CIITA: variants seen among roughly 807,000 people sequenced by gnomAD.
The protein encoded by CIITA is MHC class II transactivator.
In CIITA, 72 loss-of-function variants were observed where a neutral mutation model predicts 115.1. That is an observed-to-expected ratio of 0.63 (90% CI 0.52 to 0.76). CIITA has a LOEUF of 0.76. Ranked by LOEUF, CIITA falls within the 30% of genes least tolerant of loss-of-function variation. CIITA has a pLI of 0.00. For missense variants in CIITA, 1,617 were observed against 1,463.8 expected, an observed-to-expected ratio of 1.10 and a Z score of -1.71; for synonymous variants, 763 against 635.6, an observed-to-expected ratio of 1.20 and a Z score of -3.02.
intron 2 of CIITA, 54 bp from the exon 3 acceptor site, chr16:10,895,615 A>C: frequency 6.2e-7 from 1 of 1,607,454 alleles, no homozygotes; most frequent in South Asian, 1.1e-5. Context: ...CTCGTTCCCC[A>C]CCAGCCCTCT....
chr16:10,921,176 G>A (rs941451674), intron 16 of CIITA, among the ~76,000 whole-genome samples: 1 of 152,234 alleles, frequency 6.6e-6, no homozygotes, highest in Admixed American at 6.5e-5. Context: ...GCTTTTATAT[G>A]CAGCCCTGCA....
upstream of CIITA, among the ~76,000 whole-genome samples, chr16:10,875,842 T>A (rs1596406516): frequency 6.6e-6 from 1 of 152,080 alleles, no homozygotes; most frequent in East Asian, 1.9e-4. Flanking sequence ...GGCTAATTTT[T>A]AAAAAATCAT....
intron 5 of CIITA, among the ~76,000 whole-genome samples, chr16:10,899,897 T>C (rs983081553): frequency 7.2e-5 from 11 of 152,146 alleles, no homozygotes; most frequent in Admixed American, 5.2e-4. Flanking sequence ...CTGGCCAACA[T>C]GGTGAAACCG....
At chr16:10,900,706 C>G (rs971487924) in intron 5 of CIITA, among the ~76,000 whole-genome samples, 4 of 151,396 alleles carry the variant, frequency 2.6e-5, no homozygotes, top group Non-Finnish European at 5.9e-5. Flanking sequence ...CGCCAGTGCA[C>G]TCCAGCCTGG....
intron 1 of CIITA, among the ~76,000 whole-genome samples, chr16:10,885,353 C>T (rs1387349122): frequency 6.6e-6 from 1 of 152,160 alleles, no homozygotes; most frequent in East Asian, 1.9e-4. Context: ...CACACACATG[C>T]ATGCAGGCAC....
chr16:10,882,220 A>T (rs2036500675), intron 1 of CIITA, among the ~76,000 whole-genome samples: 1 of 152,208 alleles, frequency 6.6e-6, no homozygotes, highest in East Asian at 1.9e-4. Flanking sequence ...AAGTTAATTT[A>T]AGAAAAATAC....
intron 1 of CIITA, among the ~76,000 whole-genome samples, chr16:10,892,303 G>A (rs529232002): frequency 1.3e-4 from 19 of 151,468 alleles, no homozygotes; most frequent in African/African-American, 3.2e-4. Flanking sequence ...CAGCCTGGGC[G>A]ACAGAGTGAG....
upstream of CIITA, chr16:10,866,223 C>A (rs553834211): frequency 6.6e-6 from 3 of 457,864 alleles, no homozygotes; most frequent in Non-Finnish European, 1.3e-5. Context: ...GTTTTGGATG[C>A]TGCATGCTGG....
chr16:10,901,564 C>G lies in CIITA; in HGVS notation c.481+6C>G. On this transcript the variant is annotated splice_donor_region_variant and intron_variant, in intron 6 of 19. Coordinates refer to ENST00000324288, the MANE Select transcript of CIITA (RefSeq NM_000246.4). This position sits in a 1 kb window ranked among gnomAD's most constrained non-coding sequence, Gnocchi z 6.8. ...CCTGAAGCACTGGAAGCCAGGTGTG[C>G]AGGGCAGGTGGGCTGGGGTTGGGAA... is the stretch of plus-strand genomic sequence containing the variant. 1 of 1,613,702 alleles carries G rather than the reference C, an allele frequency of 6.2e-7. No individual in the cohort carries two copies. Among genetic ancestry groups the G allele is most frequent in the Non-Finnish European group, 8.5e-7 (1 of 1,179,880 alleles).
intron 11 of CIITA, chr16:10,908,361 C>T (rs1261142741): frequency 1.4e-6 from 1 of 701,770 alleles, no homozygotes; most frequent in Non-Finnish European, 2.6e-6. Flanking sequence ...GGCATTCTCC[C>T]AGTCAATATT....
rs1047509181 is a variant in CIITA, at chr16:10,928,089, A to T, written c.*4234A>T. ...TCGTAGCTTTTCTTTCTTTAGCATC[A>T]CTTGAGGGCAAGTGGTGCTCCAACT... On this transcript the variant is annotated 3_prime_UTR_variant, in exon 20 of 20. Transcript: ENST00000324288. 3 of 151,922 alleles carry T rather than the reference A, an allele frequency of 2.0e-5. No individual in the cohort carries two copies. The highest frequency in any genetic ancestry group is 4.4e-5 in the Non-Finnish European group (3 of 68,006). 9.4% of individuals were successfully genotyped at this position (151,922 alleles called of 1,614,324 possible).
intron 3 of CIITA, 29 bp downstream of exon 3, chr16:10,895,793 A>G: frequency 6.2e-7 from 1 of 1,608,252 alleles, no homozygotes; most frequent in Non-Finnish European, 8.5e-7. Flanking sequence ...CCAGAAAAGG[A>G]CAATCAAGGG....
At chr16:10,903,048 C>T (rs1465306665) in intron 8 of CIITA, among the ~76,000 whole-genome samples, 1 of 152,228 alleles carries the variant, frequency 6.6e-6, no homozygotes, top group Non-Finnish European at 1.5e-5. Flanking sequence ...CTTTCCCCTT[C>T]TGACCCTTAG....
upstream of CIITA, among the ~76,000 whole-genome samples, chr16:10,872,994 A>C (rs2035587472): frequency 6.6e-6 from 1 of 152,144 alleles, no homozygotes; most frequent in African/African-American, 2.4e-5. Flanking sequence ...ATTTTTTGAG[A>C]CAGGGTCTTG....
At position 10,941,482 on chromosome 16, in the gene CIITA, G is replaced by A; in HGVS notation, n.608G>A. The A allele has an allele frequency of 7.8e-7, 1 of 1,281,846 alleles. No homozygotes were observed. Among genetic ancestry groups the A allele is most frequent in the Non-Finnish European group, 1.0e-6 (1 of 989,960 alleles). The allele number at this position is 1,281,846 out of a possible 1,614,324, so 79.4% of individuals were successfully genotyped here. A position where few individuals can be genotyped will look rare whatever the true frequency, so the allele number is the denominator to read the frequency against. Reference sequence around the variant, plus strand: ...AGGTGAACGGAGGAGAAGCCTGAGGGAGGGGTGTGTATCCGGCCTGGGAAT... The same window carrying A: ...AGGTGAACGGAGGAGAAGCCTGAGGAAGGGGTGTGTATCCGGCCTGGGAAT... On this transcript the variant is annotated non_coding_transcript_exon_variant, in exon 2 of 2. Coordinates refer to the CIITA transcript ENST00000573379. The surrounding 1 kb of genome is among the most constrained non-coding windows in gnomAD (Gnocchi z 6.4).
At chr16:10,913,227 C>T (rs536712292) in intron 13 of CIITA, among the ~76,000 whole-genome samples, 1 of 152,166 alleles carries the variant, frequency 6.6e-6, no homozygotes, top group African/African-American at 2.4e-5. Flanking sequence ...CTCAGTGAGG[C>T]CTTTTCTTTT....
At chr16:10,922,586 C>A in intron 18 of CIITA, 96 bp downstream of exon 18, 1 of 1,243,322 alleles carries the variant, frequency 8.0e-7, no homozygotes, top group Non-Finnish European at 1.2e-6. Context: ...CTTCCCTTCA[C>A]CAATCTGCAA....
At position 10,906,996 on chromosome 16, in the gene CIITA, G is replaced by A. The variant is rs1229334933; in HGVS notation, c.1504G>A (p.Glu502Lys). 6.2e-7 allele frequency: 1 copy of A among 1,610,358 alleles called. No homozygotes were observed. The highest frequency in any genetic ancestry group is 8.5e-7 in the Non-Finnish European group (1 of 1,179,868). The part of the protein sequence containing the change: ...DRVLLILDGF[E>K]ELEAQDGFLH... ...CGTTCTGCTCATCCTAGACGGCTTC[G>A]AGGAGCTGGAAGCGCAAGATGGCTT... The change falls in exon 11 of 20, where the codon GAG becomes AAG. Residue 502 changes from glutamate (E) to lysine (K), a missense_variant. By Grantham distance (56) the Glu-to-Lys change is moderately conservative. Transcript: ENST00000324288.
At chr16:10,869,544 G>A (rs1407153304) in intron 1 of CIITA, among the ~76,000 whole-genome samples, 1 of 148,054 alleles carries the variant, frequency 6.8e-6, no homozygotes, top group Admixed American at 6.7e-5. Flanking sequence ...TTGATACAGA[G>A]TCTTGCTCTA....
Sources: gnomAD v4.1 joint callset for allele counts (sites outside exome capture counted in the v4.1 genomes callset) on GRCh38, gnomAD v4.1.1 for gene constraint, Gnocchi (gnomAD v3.1) non-coding constraint, MANE v1.5 for transcripts, NCBI Gene and HGNC (gene_info 2026-07-23, HGNC 2026-07-21) for gene names.